Variants in ASAP1 observed in about 807,000 individuals in gnomAD.
The protein encoded by ASAP1 is arf-GAP with SH3 domain, ANK repeat and PH domain-containing protein 1.
A neutral mutation model predicts 145.2 loss-of-function variants in ASAP1; 43 were observed. That is an observed-to-expected ratio of 0.30 (90% CI 0.23 to 0.38). The LOEUF (loss-of-function observed/expected upper bound fraction) is 0.38. ASAP1 is among the 10% of genes least tolerant of loss of function. ASAP1 has a pLI of 1.00. For synonymous variants in ASAP1, 546 were observed against 515.5 expected, an observed-to-expected ratio of 1.06 and a Z score of -0.80; for missense variants, 1,018 against 1,355.3, an observed-to-expected ratio of 0.75 and a Z score of 3.91.
intron 2 of ASAP1, among the ~76,000 whole-genome samples, chr8:130,390,618 C>T (rs1257133098): frequency 1.3e-5 from 2 of 152,190 alleles, no homozygotes; most frequent in Non-Finnish European, 2.9e-5. Flanking sequence ...ATTCTCAGTG[C>T]CTAGGGCTTA....
At chr8:130,134,272 C>T (rs1243417381) in intron 15 of ASAP1, 24 bp downstream of exon 15, 3 of 1,550,220 alleles carry the variant, frequency 1.9e-6, no homozygotes, top group Admixed American at 1.9e-5. Flanking sequence ...CAAGGCATCG[C>T]ACCTTTATTT....
At chr8:130,208,731 G>A (rs964825138) in intron 5 of ASAP1, 2 of 152,164 alleles carry the variant, frequency 1.3e-5, no homozygotes, top group Non-Finnish European at 2.9e-5. Context: ...AGGCTGCAAT[G>A]AGGATGAAGG....
At chr8:130,156,468 T>C (rs2097658379) in intron 12 of ASAP1, among the ~76,000 whole-genome samples, 2 of 152,244 alleles carry the variant, frequency 1.3e-5, no homozygotes, top group Admixed American at 1.3e-4. Context: ...CGTATCTCAT[T>C]TATGTTTTAC....
intron 3 of ASAP1, among the ~76,000 whole-genome samples, chr8:130,346,409 T>C (rs1244418584): frequency 6.6e-6 from 1 of 152,254 alleles, no homozygotes; most frequent in Non-Finnish European, 1.5e-5. Flanking sequence ...GAAGCCTATT[T>C]CCTGTTTGTT....
chr8:130,388,450 C>T (rs1203156435), intron 2 of ASAP1, among the ~76,000 whole-genome samples: 3 of 152,098 alleles, frequency 2.0e-5, no homozygotes, highest in Admixed American at 1.3e-4. Context: ...TGCTAGACTT[C>T]CAAATGGGGA....
At chr8:130,284,957 T>C (rs926455106) in intron 3 of ASAP1, among the ~76,000 whole-genome samples, 2 of 151,544 alleles carry the variant, frequency 1.3e-5, no homozygotes, top group Non-Finnish European at 2.9e-5. Flanking sequence ...CCCACAAAGA[T>C]TGGTCCTAAT....
chr8:130,083,249 T>C (rs1286972038), intron 25 of ASAP1: 3 of 152,220 alleles, frequency 2.0e-5, no homozygotes, highest in African/African-American at 4.8e-5. Flanking sequence ...GTCTCCTTTT[T>C]CCAAAGATGG....
At chr8:130,068,554 C>T (rs976519174) in intron 27 of ASAP1, among the ~76,000 whole-genome samples, 8 of 152,224 alleles carry the variant, frequency 5.3e-5, no homozygotes, top group Admixed American at 5.2e-4. Context: ...TGGTTTTAAA[C>T]ACTACAGAGT....
intron 12 of ASAP1, among the ~76,000 whole-genome samples, chr8:130,156,217 C>T (rs2097657945): frequency 6.6e-6 from 1 of 152,166 alleles, no homozygotes; most frequent in Non-Finnish European, 1.5e-5. Context: ...AGAGAAAAAT[C>T]ACAGGACATA....
chr8:130,311,982 A>T (rs896979052), intron 3 of ASAP1, among the ~76,000 whole-genome samples: 2 of 152,184 alleles, frequency 1.3e-5, no homozygotes, highest in Admixed American at 6.5e-5. Context: ...AGCCTAGAAC[A>T]TGTAGGTGCA....
chr8:130,281,902 TA>T (rs1366891932), intron 3 of ASAP1, among the ~76,000 whole-genome samples: 4 of 151,970 alleles, frequency 2.6e-5, no homozygotes, highest in African/African-American at 9.7e-5. Context: ...CCATCTCTAC[TA>T]AAAATACAAA....
At chr8:130,073,672 G>A (rs2097455284) in intron 27 of ASAP1, among the ~76,000 whole-genome samples, 2 of 152,208 alleles carry the variant, frequency 1.3e-5, no homozygotes, top group Admixed American at 6.5e-5. Flanking sequence ...AGCTGCAGAC[G>A]GCCAAGGAAG....
rs1317682286 is a variant in ASAP1 at position 130,358,843 on chromosome 8, C to G, written c.60-700G>C. On this transcript the variant is annotated intron_variant, in intron 2 of 29. Transcript: ENST00000518721. The surrounding 1 kb of genome is among the most constrained non-coding windows in gnomAD (Gnocchi z 4.1). ...GCGCGGCACGGGGGCTCCGGAAGCC[C>G]GAGTCCCTGGTTCGCCCCCGGAGCG... Among the ~76,000 whole-genome samples the G allele has an allele frequency of 6.6e-6, 1 of 151,774 alleles. No homozygotes were observed. Among genetic ancestry groups the G allele is most frequent in the Non-Finnish European group, 1.5e-5 (1 of 67,916 alleles).
chr8:130,311,560 G>A (rs1418390147), intron 3 of ASAP1, among the ~76,000 whole-genome samples: 3 of 152,134 alleles, frequency 2.0e-5, no homozygotes, highest in African/African-American at 7.2e-5. Flanking sequence ...TTGGAAGTTC[G>A]AGACAAGCCT....
At chr8:130,423,510 A>G (rs1229005735) in intron 1 of ASAP1, among the ~76,000 whole-genome samples, 2 of 152,224 alleles carry the variant, frequency 1.3e-5, no homozygotes, top group African/African-American at 4.8e-5. Context: ...ACAAGTATGT[A>G]CATGCAAAAA....
intron 27 of ASAP1, among the ~76,000 whole-genome samples, chr8:130,072,823 G>GCGCGCGCGCA (rs879754231): frequency 1.4e-5 from 1 of 72,628 alleles, no homozygotes. Context: ...GTGTGTGTGT[G>GCGCGCGCGCA]TGCGCGCGGG....
At chr8:130,407,317 A>C (rs1354960824) in intron 1 of ASAP1, among the ~76,000 whole-genome samples, 1 of 152,216 alleles carries the variant, frequency 6.6e-6, no homozygotes, top group Non-Finnish European at 1.5e-5. Flanking sequence ...AGGGAAAGGA[A>C]TCTGGGGCAT....
intron 3 of ASAP1, among the ~76,000 whole-genome samples, chr8:130,285,873 C>T (rs1317112260): frequency 6.6e-6 from 1 of 152,186 alleles, no homozygotes; most frequent in Non-Finnish European, 1.5e-5. Context: ...TGTTCCAATA[C>T]TGATTAAAAA....
At chr8:130,271,590 C>T (rs1219694067) in intron 3 of ASAP1, among the ~76,000 whole-genome samples, 1 of 152,212 alleles carries the variant, frequency 6.6e-6, no homozygotes, top group African/African-American at 2.4e-5. Flanking sequence ...CTGCATCTCC[C>T]TATTTCTTGG....
Sources: gnomAD v4.1 joint callset for allele counts (sites outside exome capture counted in the v4.1 genomes callset) on GRCh38, gnomAD v4.1.1 for gene constraint, Gnocchi (gnomAD v3.1) non-coding constraint, MANE v1.5 for transcripts, NCBI Gene and HGNC (gene_info 2026-07-23, HGNC 2026-07-21) for gene names.